Variants in ACACA observed in about 807,000 individuals in gnomAD.
ACACA encodes acetyl-CoA carboxylase 1.
Under a neutral mutation model 296.1 loss-of-function variants are expected in ACACA, and 103 were observed. The observed-to-expected ratio is 0.35, with a 90% CI of 0.30 to 0.41. ACACA has a LOEUF of 0.41. Among genes scored for constraint, ACACA ranks in the 10% least tolerant of loss-of-function variants. The pLI is 1.00. For synonymous variants in ACACA, 953 were observed against 1,038.6 expected, an observed-to-expected ratio of 0.92 and a Z score of 1.58; for missense variants, 1,554 against 2,989.7, an observed-to-expected ratio of 0.52 and a Z score of 11.20.
intron 25 of ACACA, among the ~76,000 whole-genome samples, chr17:37,231,855 AAACATAAAC>A (rs2079873997): frequency 6.6e-6 from 1 of 152,244 alleles, no homozygotes; most frequent in Admixed American, 6.5e-5. Context: ...ATCTCTAAGC[AAACATAAAC>A]AATGTTCTGA....
At position 37,155,773 on chromosome 17, in the gene ACACA, C is replaced by G. The variant is rs1411105163; in HGVS notation, c.5357G>C (p.Arg1786Thr). The G allele has an allele frequency of 6.3e-7, 1 of 1,598,030 alleles. No homozygotes were observed. The highest frequency in any genetic ancestry group is 8.6e-7 in the Non-Finnish European group (1 of 1,167,686). The change falls in exon 43 of 56, where the codon AGG becomes ACG. Residue 1786 changes from arginine to threonine, a missense_variant. Physicochemically the swap from Arg to Thr is moderately conservative, Grantham distance 71 (BLOSUM62 -1). Transcript: ENST00000616317. The part of the protein sequence containing the change: ...VDPEDPYKGY[R>T]YLYLTPQDYK... ...ATCTTGAGGAGTCAGATATAAATAC[C>G]TGTATCCCTGTGAAGCACAAATAGT...
At chr17:37,220,352 A>G (rs918258673) in intron 29 of ACACA, among the ~76,000 whole-genome samples, 4 of 152,226 alleles carry the variant, frequency 2.6e-5, no homozygotes, top group African/African-American at 9.6e-5. Context: ...CAGCCTGACT[A>G]CAAATCACTG....
intron 3 of ACACA, among the ~76,000 whole-genome samples, chr17:37,317,708 A>T (rs1312805634): frequency 6.6e-6 from 1 of 152,206 alleles, no homozygotes; most frequent in African/African-American, 2.4e-5. Context: ...CATGCATTAC[A>T]CTTGAAATAA....
intron 52 of ACACA, among the ~76,000 whole-genome samples, chr17:37,108,667 C>T (rs2073824615): frequency 1.3e-5 from 2 of 152,178 alleles, no homozygotes; most frequent in African/African-American, 4.8e-5. Flanking sequence ...GGATTACAGG[C>T]GTGAGCCACC....
intron 33 of ACACA, among the ~76,000 whole-genome samples, chr17:37,205,537 T>G (rs1376091368): frequency 6.6e-6 from 1 of 152,150 alleles, no homozygotes; most frequent in African/African-American, 2.4e-5. Flanking sequence ...ATAACTTCCC[T>G]TAAAAACATT....
chr17:37,238,059 C>T (rs1007285384), intron 24 of ACACA, among the ~76,000 whole-genome samples: 13 of 152,248 alleles, frequency 8.5e-5, no homozygotes, highest in African/African-American at 3.1e-4. Flanking sequence ...CTCCTTATGA[C>T]GTATTTTGAT....
chr17:37,282,606 C>T (rs935195093), intron 5 of ACACA, among the ~76,000 whole-genome samples: 9 of 151,906 alleles, frequency 5.9e-5, no homozygotes, highest in African/African-American at 1.5e-4. Flanking sequence ...AGCTCTTTTT[C>T]GCAGCTTCCT....
intron 3 of ACACA, among the ~76,000 whole-genome samples, chr17:37,294,907 A>G (rs2083255370): frequency 6.6e-6 from 1 of 152,168 alleles, no homozygotes; most frequent in Admixed American, 6.5e-5. Flanking sequence ...ATGGCCTACT[A>G]TGAGGTTTCC....
chr17:37,150,212 T>C (rs1331713402), intron 44 of ACACA, among the ~76,000 whole-genome samples: 1 of 151,678 alleles, frequency 6.6e-6, no homozygotes, highest in East Asian at 1.9e-4. Flanking sequence ...ACTTTGGGAG[T>C]CTGAGGTGGG....
At chr17:37,334,048 A>G (rs1030110954) in intron 2 of ACACA, among the ~76,000 whole-genome samples, 24 of 151,962 alleles carry the variant, frequency 1.6e-4, no homozygotes, top group Admixed American at 2.0e-4. Context: ...TAGGTATACA[A>G]TATCACTCAC....
At chr17:37,318,471 C>A (rs891782676) in intron 3 of ACACA, among the ~76,000 whole-genome samples, 6 of 152,184 alleles carry the variant, frequency 3.9e-5, no homozygotes, top group African/African-American at 1.4e-4. Context: ...GAACTCCTCA[C>A]CTCAGGAGAT....
chr17:37,114,104 G>A (rs2074115823), intron 50 of ACACA, among the ~76,000 whole-genome samples: 1 of 151,818 alleles, frequency 6.6e-6, no homozygotes. Context: ...GATCACTTGA[G>A]CCCAAGAGGT....
At chr17:37,255,449 T>C (rs996262235) in intron 14 of ACACA, among the ~76,000 whole-genome samples, 1 of 152,198 alleles carries the variant, frequency 6.6e-6, no homozygotes, top group East Asian at 1.9e-4. Flanking sequence ...AGGAGACTTA[T>C]TGTAGATAAC....
intron 1 of ACACA, among the ~76,000 whole-genome samples, chr17:37,342,199 C>G (rs946523967): frequency 1.3e-5 from 2 of 151,060 alleles, no homozygotes; most frequent in Non-Finnish European, 3.0e-5. Context: ...ACTTAAGGTT[C>G]GGAGTTCGAG....
At chr17:37,216,215 T>C (rs568846376) in intron 29 of ACACA, among the ~76,000 whole-genome samples, 4 of 150,458 alleles carry the variant, frequency 2.7e-5, no homozygotes, top group Admixed American at 2.6e-4. Flanking sequence ...TGTGTATATA[T>C]ATATATATAT....
intron 54 of ACACA, 130 bp downstream of exon 54, chr17:37,096,866 G>T: frequency 9.0e-7 from 1 of 1,106,612 alleles, no homozygotes; most frequent in Non-Finnish European, 1.4e-6. Flanking sequence ...GGAGGAAACA[G>T]CTTGGATCTC....
chr17:37,290,170 C>T (rs1287161481), intron 3 of ACACA, among the ~76,000 whole-genome samples: 1 of 152,094 alleles, frequency 6.6e-6, no homozygotes, highest in African/African-American at 2.4e-5. Context: ...GCCTCAGCCT[C>T]CCAAGTAGCT....
chr17:37,208,102 A>G (rs1289796061), intron 30 of ACACA, among the ~76,000 whole-genome samples: 1 of 152,210 alleles, frequency 6.6e-6, no homozygotes, highest in Non-Finnish European at 1.5e-5. Context: ...TGTCCAATGA[A>G]TGAATAGCAC....
intron 30 of ACACA, 32 bp downstream of exon 30, chr17:37,210,435 T>C: frequency 6.2e-7 from 1 of 1,604,210 alleles, no homozygotes; most frequent in Non-Finnish European, 8.5e-7. Context: ...TAAAGGTGCT[T>C]TTAATTGGAA....
Sources: allele counts gnomAD v4.1 joint callset (sites outside exome capture counted in the v4.1 genomes callset), GRCh38; gene constraint gnomAD v4.1.1; transcripts MANE v1.5; gene names NCBI Gene and HGNC (gene_info 2026-07-23, HGNC 2026-07-21).